Variants in MYO10 observed in about 807,000 individuals in gnomAD.
MYO10 encodes myosin X.
In MYO10, 133 loss-of-function variants were observed where a neutral mutation model predicts 257.3. The observed-to-expected ratio is 0.52, with a 90% CI of 0.45 to 0.60. MYO10 has a LOEUF of 0.60. Ranked by LOEUF, MYO10 falls within the 20% of genes least tolerant of loss-of-function variation. The pLI is 0.00. For missense variants in MYO10, 2,399 were observed against 2,635.7 expected (o/e 0.91, Z 1.97); for synonymous variants, 1,104 against 1,028.6 (o/e 1.07, Z -1.40).
At chr5:16,838,193 G>A (rs113368495) in intron 2 of MYO10, among the ~76,000 whole-genome samples, 20 of 152,322 alleles carry the variant, frequency 1.3e-4, no homozygotes, top group African/African-American at 4.8e-4. Flanking sequence ...TACAAATGAC[G>A]CAGCTGAGTG....
intron 19 of MYO10, among the ~76,000 whole-genome samples, chr5:16,727,431 TAG>T (rs1579915765): frequency 6.6e-6 from 1 of 152,216 alleles, no homozygotes; most frequent in East Asian, 1.9e-4. Context: ...CTTGCATGTT[TAG>T]AGACTAACAC....
intron 2 of MYO10, among the ~76,000 whole-genome samples, chr5:16,855,209 C>A (rs1256709994): frequency 6.6e-6 from 1 of 152,100 alleles, no homozygotes; most frequent in Non-Finnish European, 1.5e-5. Context: ...TAGCAATGAG[C>A]CAATAATGAA....
In MYO10 at chr5:16,703,166, T is replaced by G. The variant is rs1048490285; in HGVS notation, c.2277-8A>C. On this transcript the variant is annotated splice_polypyrimidine_tract_variant and splice_region_variant and intron_variant, in intron 22 of 40. Transcript: ENST00000513610. ...ACCTTTCTGTATTGTTTTCTGAAAATGAAAGAAAACAAGAGAATCGGCATT... is the reference window on the plus strand; with the variant it reads ...ACCTTTCTGTATTGTTTTCTGAAAAGGAAAGAAAACAAGAGAATCGGCATT... 6.3e-6 allele frequency: 10 copies of G among 1,578,354 alleles called. No homozygotes were observed. Among genetic ancestry groups the G allele is most frequent in the Non-Finnish European group, 7.8e-6 (9 of 1,158,468 alleles).
intron 21 of MYO10, among the ~76,000 whole-genome samples, chr5:16,710,474 A>G (rs916322727): frequency 6.6e-6 from 1 of 152,154 alleles, no homozygotes; most frequent in African/African-American, 2.4e-5. Context: ...AGGATTTCAG[A>G]CCGGCTACTG....
At chr5:16,681,163 C>T in intron 32 of MYO10, 146 bp downstream of exon 32, 1 of 858,060 alleles carries the variant, frequency 1.2e-6, no homozygotes, top group East Asian at 2.7e-5. Context: ...ATAGCTAACC[C>T]CAGACAGGCT....
intron 3 of MYO10, among the ~76,000 whole-genome samples, chr5:16,806,647 C>A (rs199623067): frequency 9.0e-5 from 13 of 143,864 alleles, no homozygotes; most frequent in East Asian, 2.0e-4. Flanking sequence ...GACTCCGTCT[C>A]AAAAAAAAAA....
At chr5:16,896,211 C>G (rs1424412400) in intron 1 of MYO10, among the ~76,000 whole-genome samples, 24 of 152,198 alleles carry the variant, frequency 1.6e-4, no homozygotes, top group Admixed American at 1.4e-3. Flanking sequence ...GTAATCCCAG[C>G]AGTTTGGGAG....
At chr5:16,705,072 G>A (rs894619686) in intron 21 of MYO10, among the ~76,000 whole-genome samples, 1 of 152,164 alleles carries the variant, frequency 6.6e-6, no homozygotes, top group Non-Finnish European at 1.5e-5. Flanking sequence ...TACGTAATAT[G>A]ATTCAGAGAT....
chr5:16,858,608 A>T (rs958808111), intron 2 of MYO10, among the ~76,000 whole-genome samples: 1 of 152,200 alleles, frequency 6.6e-6, no homozygotes, highest in African/African-American at 2.4e-5. Flanking sequence ...TTAAAATGGC[A>T]GCACAATCAT....
chr5:16,933,825 C>T (rs1746361482), intron 1 of MYO10, among the ~76,000 whole-genome samples: 4 of 152,212 alleles, frequency 2.6e-5, no homozygotes, highest in African/African-American at 9.7e-5. Flanking sequence ...AAGGGTGGAA[C>T]TTTCACGGCT....
At chr5:16,671,003 T>C (rs1736432290) in intron 38 of MYO10, 25 bp from the exon 39 acceptor site, 8 of 1,580,290 alleles carry the variant, frequency 5.1e-6, no homozygotes, top group African/African-American at 1.3e-5. Flanking sequence ...TCAACAGCTT[T>C]CCGGTCAACG....
chr5:16,685,935 C>T, intron 28 of MYO10, 104 bp from the exon 29 acceptor site: 1 of 819,844 alleles, frequency 1.2e-6, no homozygotes, highest in East Asian at 2.7e-5. Flanking sequence ...CTCTAAGCAC[C>T]TTTGCTTTTA....
In MYO10 at chr5:16,702,940, C is replaced by T. The variant is rs575642620; in HGVS notation, c.2495G>A (p.Arg832Gln). The change falls in exon 23 of 41, where the codon CGG becomes CAG. Residue 832 changes from arginine (R) to glutamine (Q), a missense_variant. By Grantham distance (43) the Arg-to-Gln change is conservative. This residue lies in a region of MYO10 where 1,820 missense variants were observed against 1,939.4 expected (regional missense o/e 0.94). Transcript: ENST00000513610. ...GGTACTGTACCTTTCTTCTTCCTCC[C>T]GTTTCTTCTTTTCTTCCTCTTCCTG... ...KKQEEEEKKKREEEERERERE... is the reference protein window; with the variant it reads ...KKQEEEEKKKQEEEERERERE... The T allele has an allele frequency of 5.2e-6, 8 of 1,551,510 alleles. No homozygotes were observed. The highest frequency in any genetic ancestry group is 2.0e-5 in the Admixed American group (1 of 50,936).
chr5:16,812,926 AT>A (rs756853883), intron 3 of MYO10, among the ~76,000 whole-genome samples: 6,586 of 127,832 alleles, frequency 0.052, 199 homozygotes, highest in African/African-American at 0.11. Flanking sequence ...GGGTGCTTTT[AT>A]TTTTTTTTTT....
Position 16,766,385 on chromosome 5 carries a change from G to A in MYO10, c.1061-187C>T, listed in dbSNP as rs553891241. 1.4e-3 allele frequency among the ~76,000 whole-genome samples: 211 copies of A among 152,338 alleles called. 2 individuals are homozygous for A. The highest frequency in any genetic ancestry group is 3.4e-3 in the Middle Eastern group (1 of 294). The stretch of plus-strand genomic sequence containing the variant: ...GTAGCATAGAGCCTCGTGCTTGGAC[G>A]AAGTGTGGTCTGGGAATCCTATGGG... On this transcript the variant is annotated intron_variant, in intron 10 of 40. Coordinates refer to ENST00000513610, the MANE Select transcript of MYO10 (RefSeq NM_012334.3).
intron 19 of MYO10, among the ~76,000 whole-genome samples, chr5:16,744,310 A>C (rs1740110044): frequency 6.6e-6 from 1 of 152,174 alleles, no homozygotes; most frequent in African/African-American, 2.4e-5. Context: ...TAATACACAT[A>C]ACCACCCTCC....
chr5:16,671,823 G>C (rs1736478264), intron 37 of MYO10, among the ~76,000 whole-genome samples: 1 of 152,174 alleles, frequency 6.6e-6, no homozygotes, highest in South Asian at 2.1e-4. Flanking sequence ...GCATTATGCT[G>C]AGTCCACGGG....
At chr5:16,754,608 A>G (rs1237377577) in intron 19 of MYO10, among the ~76,000 whole-genome samples, 1 of 152,184 alleles carries the variant, frequency 6.6e-6, no homozygotes, top group Non-Finnish European at 1.5e-5. Context: ...TCCTTTTCAA[A>G]TAGATGTCCC....
chr5:16,690,656 G>A (rs909416246), intron 27 of MYO10, among the ~76,000 whole-genome samples: 3 of 151,830 alleles, frequency 2.0e-5, no homozygotes, highest in African/African-American at 7.3e-5. Context: ...GGCCCGGCGT[G>A]AGCTCTTTCC....
Sources: allele counts gnomAD v4.1 joint callset (sites outside exome capture counted in the v4.1 genomes callset), GRCh38; gene constraint gnomAD v4.1.1; regional missense constraint gnomAD v4.1.1; transcripts MANE v1.5; gene names NCBI Gene and HGNC (gene_info 2026-07-23, HGNC 2026-07-21).